The following AGMO variants were observed in gnomAD, a reference collection of about 807,000 sequenced individuals.
The protein encoded by AGMO is alkylglycerol monooxygenase, also known as glyceryl-ether monooxygenase.
AGMO carries 75 observed loss-of-function variants against 60.2 expected under a neutral mutation model. The observed-to-expected ratio is 1.25, with a 90% confidence interval of 1.03 to 1.51. The LOEUF (loss-of-function observed/expected upper bound fraction) is 1.51, where lower values mean the gene tolerates loss of function less well. Among genes scored for constraint, AGMO ranks in the 40% most tolerant of loss-of-function variants. The pLI, the probability that AGMO is intolerant of heterozygous loss-of-function variation, is 0.00. For missense variants in AGMO, 763 were observed against 525.5 expected (o/e 1.45, Z -4.42); for synonymous variants, 261 against 177.1 (o/e 1.47, Z -3.76).
intron 3 of AGMO, among the ~76,000 whole-genome samples, chr7:15,512,843 T>C (rs763456512): frequency 7.9e-5 from 12 of 152,324 alleles, no homozygotes; most frequent in Non-Finnish European, 1.8e-4. Flanking sequence ...TTTTTTCCTT[T>C]TTCCTTTTTC....
chr7:15,142,410 C>A, the AGMO span, among the ~76,000 whole-genome samples: 1 of 152,130 alleles, frequency 6.6e-6, no homozygotes, highest in Admixed American at 6.5e-5. Flanking sequence ...TGAAGAGGTT[C>A]TTCAGATCTA....
chr7:15,452,237 A>G (rs10244056), intron 3 of AGMO, among the ~76,000 whole-genome samples: 8,041 of 152,214 alleles, frequency 0.053, 278 homozygotes, highest in Middle Eastern at 0.11. Flanking sequence ...AAATAGATAT[A>G]CTTCATCGAA....
intron 12 of AGMO, among the ~76,000 whole-genome samples, chr7:15,332,234 T>A (rs1222134552): frequency 6.6e-6 from 1 of 152,148 alleles, no homozygotes; most frequent in Admixed American, 6.6e-5. Flanking sequence ...GACTAATACA[T>A]ACCTGCACTT....
the AGMO span, among the ~76,000 whole-genome samples, chr7:15,128,327 T>C: frequency 5.3e-5 from 8 of 152,110 alleles, no homozygotes; most frequent in Non-Finnish European, 1.0e-4. Context: ...TTTAATGAAA[T>C]TGAACAAACT....
chr7:15,320,123 G>A (rs28750337), intron 12 of AGMO, among the ~76,000 whole-genome samples: 49 of 148,048 alleles, frequency 3.3e-4, no homozygotes, highest in East Asian at 2.0e-4. Flanking sequence ...TGGGGTGGGG[G>A]AGGGGGAAGG....
At chr7:15,256,231 G>T (rs1302870723) in intron 12 of AGMO, among the ~76,000 whole-genome samples, 1 of 152,192 alleles carries the variant, frequency 6.6e-6, no homozygotes, top group Non-Finnish European at 1.5e-5. Flanking sequence ...CCAGAGTTTT[G>T]TAAAGAACAT....
chr7:15,211,559 G>GTT (rs897898775), intron 12 of AGMO, among the ~76,000 whole-genome samples: 4 of 149,980 alleles, frequency 2.7e-5, no homozygotes, highest in African/African-American at 9.8e-5. Context: ...GGTGTTCCAT[G>GTT]TTTTTTTTTG....
At chr7:15,328,952 A>G (rs1443018891) in intron 12 of AGMO, among the ~76,000 whole-genome samples, 1 of 152,094 alleles carries the variant, frequency 6.6e-6, no homozygotes, top group African/African-American at 2.4e-5. Context: ...CCTGAACCTG[A>G]ACTCCTATTC....
intron 5 of AGMO, among the ~76,000 whole-genome samples, chr7:15,408,989 A>C (rs902887708): frequency 1.3e-5 from 2 of 151,744 alleles, no homozygotes. Context: ...AAATGCAAAA[A>C]TTGGGTATTA....
intron 12 of AGMO, among the ~76,000 whole-genome samples, chr7:15,351,797 G>A (rs773638652): frequency 6.6e-6 from 1 of 152,144 alleles, no homozygotes; most frequent in African/African-American, 2.4e-5. Context: ...GATAAAAACA[G>A]TAAGCAAACA....
chr7:15,531,513 CTATATATATTCTA>C (rs1784353823), intron 3 of AGMO, among the ~76,000 whole-genome samples: 1 of 44,268 alleles, frequency 2.3e-5, no homozygotes, highest in Non-Finnish European at 3.9e-5. Context: ...TATATATTCT[CTATATATATTCTA>C]TATATATTCT....
intron 12 of AGMO, among the ~76,000 whole-genome samples, chr7:15,341,386 C>G (rs961870596): frequency 6.6e-6 from 1 of 152,186 alleles, no homozygotes. Flanking sequence ...AGTCCTTTTG[C>G]TAAAGCATTA....
intron 3 of AGMO, among the ~76,000 whole-genome samples, chr7:15,515,629 A>G (rs1179419943): frequency 6.6e-6 from 1 of 152,230 alleles, no homozygotes; most frequent in Non-Finnish European, 1.5e-5. Context: ...CAACTAGAAC[A>G]TTCCTGTGTC....
chr7:15,177,021 AT>A, the AGMO span, among the ~76,000 whole-genome samples: 1 of 152,110 alleles, frequency 6.6e-6, no homozygotes, highest in African/African-American at 2.4e-5. Context: ...TAGCAAATAA[AT>A]GTCTTGTGAA....
intron 12 of AGMO, among the ~76,000 whole-genome samples, chr7:15,317,028 G>C (rs947601825): frequency 6.6e-6 from 1 of 152,116 alleles, no homozygotes; most frequent in African/African-American, 2.4e-5. Context: ...ATGTGGCATT[G>C]TTATTAAAAA....
chr7:15,195,284 A>G, the AGMO span, among the ~76,000 whole-genome samples: 1 of 152,190 alleles, frequency 6.6e-6, no homozygotes, highest in Non-Finnish European at 1.5e-5. Flanking sequence ...TGAAGAGCAG[A>G]GGTTTAATAG....
At chr7:15,238,568 TAATTTTAAA>T (rs1328286341) in intron 12 of AGMO, among the ~76,000 whole-genome samples, 2 of 151,564 alleles carry the variant, frequency 1.3e-5, no homozygotes, top group East Asian at 3.9e-4. Context: ...GCAATTAAAA[TAATTTTAAA>T]AATTTTAATT....
chr7:15,209,164 C>T (rs1781513053), intron 12 of AGMO, among the ~76,000 whole-genome samples: 1 of 152,144 alleles, frequency 6.6e-6, no homozygotes, highest in African/African-American at 2.4e-5. Context: ...TTCCAAAGAG[C>T]AAAATGTACT....
chr7:15,217,087 G>C (rs963918307), intron 12 of AGMO, among the ~76,000 whole-genome samples: 3 of 152,046 alleles, frequency 2.0e-5, no homozygotes, highest in African/African-American at 7.2e-5. Flanking sequence ...GAGAAGGTGA[G>C]GAAGGAAATA....
Sources: allele counts gnomAD v4.1 joint callset (sites outside exome capture counted in the v4.1 genomes callset), GRCh38; gene constraint gnomAD v4.1.1; transcripts MANE v1.5; gene names NCBI Gene and HGNC (gene_info 2026-07-23, HGNC 2026-07-21).